TMEM74: variants seen among roughly 807,000 people sequenced by gnomAD.
TMEM74 encodes transmembrane protein 74.
TMEM74 carries 13 observed loss-of-function variants against 18.1 expected under a neutral mutation model. That is an observed-to-expected ratio of 0.72 (90% CI 0.47 to 1.14). The LOEUF (loss-of-function observed/expected upper bound fraction) is 1.14, where lower values mean the gene tolerates loss of function less well. Ranked by LOEUF, TMEM74 falls within the 50% of genes most tolerant of loss-of-function variation. The pLI is 0.00. For synonymous variants in TMEM74, 159 were observed against 146.6 expected, an observed-to-expected ratio of 1.08 and a Z score of -0.61; for missense variants, 372 against 375.9, an observed-to-expected ratio of 0.99 and a Z score of 0.09.
At chr8:108,652,909 CTG>C (rs1238267567) in intron 2 of TMEM74, 1 of 424,716 alleles carries the variant, frequency 2.4e-6, no homozygotes. Context: ...AGACAGTGCC[CTG>C]TGTGAAGAGC....
chr8:108,736,953 A>G (rs1023667582), intron 1 of TMEM74, among the ~76,000 whole-genome samples: 2 of 152,180 alleles, frequency 1.3e-5, no homozygotes, highest in South Asian at 4.1e-4. Flanking sequence ...ATTATGCTCC[A>G]CTATAGATGC....
chr8:108,719,565 G>C (rs1489087094), intron 1 of TMEM74, among the ~76,000 whole-genome samples: 2 of 152,056 alleles, frequency 1.3e-5, no homozygotes, highest in Admixed American at 6.6e-5. Context: ...TTCACAGGAA[G>C]CCATAAACTT....
intron 1 of TMEM74, among the ~76,000 whole-genome samples, chr8:108,726,556 T>G (rs1366759854): frequency 6.6e-6 from 1 of 152,162 alleles, no homozygotes; most frequent in Admixed American, 6.5e-5. Context: ...GGTGATCAAA[T>G]AAGTGTAAAA....
At chr8:108,763,590 T>G (rs1267811581) in intron 1 of TMEM74, among the ~76,000 whole-genome samples, 1 of 152,112 alleles carries the variant, frequency 6.6e-6, no homozygotes, top group Admixed American at 6.5e-5. Flanking sequence ...ATTTATACCT[T>G]GGGTAAGAAT....
chr8:108,775,601 C>T (rs769937337), downstream of TMEM74, among the ~76,000 whole-genome samples: 16 of 152,308 alleles, frequency 1.1e-4, no homozygotes, highest in African/African-American at 2.2e-4. Flanking sequence ...TTCAGCTCAA[C>T]GATGCTCTTT....
At chr8:108,616,493 A>C (rs369322733) in intron 2 of TMEM74, among the ~76,000 whole-genome samples, 105 of 152,292 alleles carry the variant, frequency 6.9e-4, no homozygotes, top group African/African-American at 2.3e-3. Flanking sequence ...ATTTAGTGGA[A>C]AGGTTGGGAG....
intron 1 of TMEM74, among the ~76,000 whole-genome samples, chr8:108,741,584 A>G (rs761778881): frequency 2.0e-5 from 3 of 152,208 alleles, no homozygotes; most frequent in Non-Finnish European, 2.9e-5. Flanking sequence ...TTTTAAGTAA[A>G]AAAATTACAA....
In TMEM74 at chr8:108,784,432, T is replaced by C; in HGVS notation, c.667A>G (p.Arg223Gly). ...CAGCGGTCCAGGTGAGCCCCCAGCC[T>C]CGCACTCTCCTTCTCCAGGCGCTCC... ...EMERLEKESA[R>G]LGAHLDRCVI... The change falls in exon 2 of 2, where the codon AGG becomes GGG. Residue 223 changes from arginine to glycine, a missense_variant. Transcript: ENST00000297459. The C allele has an allele frequency of 6.2e-7, 1 of 1,614,128 alleles. No individual in the cohort carries two copies. The highest frequency in any genetic ancestry group is 1.1e-5 in the South Asian group (1 of 91,080).
chr8:108,639,765 C>T (rs1812644668), intron 2 of TMEM74, among the ~76,000 whole-genome samples: 1 of 151,904 alleles, frequency 6.6e-6, no homozygotes, highest in South Asian at 2.1e-4. Flanking sequence ...CATTTTGGTC[C>T]CTACGTATTA....
chr8:108,773,304 C>T (rs1290992575), intron 1 of TMEM74, among the ~76,000 whole-genome samples: 1 of 152,010 alleles, frequency 6.6e-6, no homozygotes, highest in Non-Finnish European at 1.5e-5. Context: ...TCAAATTCAA[C>T]ACTCTCATCA....
intron 1 of TMEM74, among the ~76,000 whole-genome samples, chr8:108,702,436 A>G (rs1289291015): frequency 4.6e-5 from 7 of 152,046 alleles, no homozygotes; most frequent in Non-Finnish European, 1.0e-4. Context: ...GGAAAAAAAA[A>G]TGCAGCAGCA....
chr8:108,627,412 T>A (rs116075410), intron 2 of TMEM74, among the ~76,000 whole-genome samples: 1 of 152,026 alleles, frequency 6.6e-6, no homozygotes, highest in South Asian at 2.1e-4. Context: ...TTCACCATAG[T>A]TGAGCTGTGT....
At chr8:108,678,254 G>A (rs1813074304) in intron 1 of TMEM74, among the ~76,000 whole-genome samples, 2 of 152,098 alleles carry the variant, frequency 1.3e-5, no homozygotes, top group African/African-American at 2.4e-5. Context: ...GATTCCAATT[G>A]TATAAAAATA....
chr8:108,640,177 G>A (rs970573808), intron 2 of TMEM74, among the ~76,000 whole-genome samples: 2 of 140,062 alleles, frequency 1.4e-5, no homozygotes, highest in Non-Finnish European at 1.5e-5. Context: ...CTATCGCCCA[G>A]GCTGGAGTGC....
At chr8:108,621,786 A>C (rs1812442857) in intron 2 of TMEM74, among the ~76,000 whole-genome samples, 1 of 151,920 alleles carries the variant, frequency 6.6e-6, no homozygotes, top group Non-Finnish European at 1.5e-5. Flanking sequence ...AGTGCTTGTC[A>C]CCCCATCTGT....
intron 2 of TMEM74, among the ~76,000 whole-genome samples, chr8:108,650,702 T>TTTTATTTA (rs71564014): frequency 2.0e-4 from 30 of 150,946 alleles, no homozygotes; most frequent in Non-Finnish European, 3.8e-4. Context: ...GAGGCATTCT[T>TTTTATTTA]TTTATTTATT....
At chr8:108,628,092 C>T (rs151137647) in intron 2 of TMEM74, among the ~76,000 whole-genome samples, 186 of 151,870 alleles carry the variant, frequency 1.2e-3, no homozygotes, top group African/African-American at 4.2e-3. Flanking sequence ...GTCAAAGCAA[C>T]TTTACAAATA....
chr8:108,668,648 A>C (rs1325210480), intron 1 of TMEM74, among the ~76,000 whole-genome samples: 1 of 152,204 alleles, frequency 6.6e-6, no homozygotes, highest in Non-Finnish European at 1.5e-5. Flanking sequence ...AGGTAGAAGC[A>C]AGGAAAGAAA....
intron 2 of TMEM74, among the ~76,000 whole-genome samples, chr8:108,655,031 T>C (rs1019859336): frequency 4.6e-5 from 7 of 152,198 alleles, no homozygotes; most frequent in African/African-American, 1.7e-4. Flanking sequence ...CATTTTTTTA[T>C]GAAAGAACAT....
Sources: gnomAD v4.1 joint callset for allele counts (sites outside exome capture counted in the v4.1 genomes callset) on GRCh38, gnomAD v4.1.1 for gene constraint, MANE v1.5 for transcripts, NCBI Gene and HGNC (gene_info 2026-07-23, HGNC 2026-07-21) for gene names.